The following TECPR2 variants were observed in gnomAD, a reference collection of about 807,000 sequenced individuals.
TECPR2 encodes tectonin beta-propeller repeat containing 2.
A neutral mutation model predicts 138.1 loss-of-function variants in TECPR2; 65 were observed. The ratio of observed to expected loss-of-function variants is 0.47; its 90% CI spans 0.39 to 0.58. The LOEUF is 0.58. TECPR2 is among the 20% of genes least tolerant of loss of function. The pLI, the probability that TECPR2 is intolerant of heterozygous loss-of-function variation, is 0.00. For missense variants in TECPR2, 1,553 were observed against 1,824.5 expected, an observed-to-expected ratio of 0.85 and a Z score of 2.71; for synonymous variants, 746 against 749.8, an observed-to-expected ratio of 0.99 and a Z score of 0.08.
At chr14:102,384,719 A>G (rs1887946302) in intron 2 of TECPR2, among the ~76,000 whole-genome samples, 1 of 150,070 alleles carries the variant, frequency 6.7e-6, no homozygotes, top group African/African-American at 2.4e-5. Flanking sequence ...GTGTGTATAT[A>G]TATATACACA....
At chr14:102,369,467 C>G (rs758689369) in intron 1 of TECPR2, among the ~76,000 whole-genome samples, 8 of 152,122 alleles carry the variant, frequency 5.3e-5, no homozygotes, top group African/African-American at 1.9e-4. Flanking sequence ...TGGCTCACTG[C>G]AGCCTCGAAC....
At chr14:102,433,710 C>T (rs1438639536) in intron 8 of TECPR2, among the ~76,000 whole-genome samples, 2 of 151,856 alleles carry the variant, frequency 1.3e-5, no homozygotes, top group Non-Finnish European at 2.9e-5. Context: ...TTAGTAGAGG[C>T]AGGGGTTTAC....
chr14:102,363,394 G>C (rs942373506), intron 1 of TECPR2, among the ~76,000 whole-genome samples: 1 of 152,094 alleles, frequency 6.6e-6, no homozygotes, highest in Non-Finnish European at 1.5e-5. Flanking sequence ...GGCCTCCGCT[G>C]CGCGTCCCGC....
At position 102,376,754 on chromosome 14, in the gene TECPR2, A is replaced by G. The variant is rs1214503332; in HGVS notation, c.33A>G (p.Arg11=). ...CGATATCAGAGCCTGTTACATTCAG[A>G]GAGTTCTGCCCGTTGTACTATCTCC... MASISEPVTF[R]EFCPLYYLLN... Residue 11 remains arginine (R), a synonymous_variant, in exon 2 of 20, where the codon AGA becomes AGG. Coordinates refer to ENST00000359520, the MANE Select transcript of TECPR2 (RefSeq NM_014844.5). The G allele has an allele frequency of 2.5e-6, 4 of 1,614,092 alleles. No individual in the cohort carries two copies. The highest frequency in any genetic ancestry group is 3.4e-6 in the Non-Finnish European group (4 of 1,180,036).
At chr14:102,473,982 G>T (rs1375238423) in intron 17 of TECPR2, among the ~76,000 whole-genome samples, 1 of 152,222 alleles carries the variant, frequency 6.6e-6, no homozygotes, top group East Asian at 1.9e-4. Context: ...ACTAGGCTGG[G>T]TGCAGTGGCT....
intron 4 of TECPR2, among the ~76,000 whole-genome samples, chr14:102,411,699 CAAAAAAAAAAAAAAAAAAA>C (rs1173849759): frequency 4.3e-5 from 2 of 46,860 alleles, no homozygotes; most frequent in East Asian, 5.2e-4. Context: ...CCATGTTGCT[CAAAAAAAAAAAAAAAAAAA>C]AAAAAAAAAA....
At chr14:102,380,804 A>G (rs143770921) in intron 2 of TECPR2, among the ~76,000 whole-genome samples, 6,046 of 151,336 alleles carry the variant, frequency 0.04, 135 homozygotes, top group Middle Eastern at 0.09. Context: ...TCAGCCTCCC[A>G]AGTAGCTGGG....
intron 5 of TECPR2, among the ~76,000 whole-genome samples, chr14:102,417,782 C>T (rs1230813993): frequency 2.2e-5 from 3 of 134,296 alleles, no homozygotes; most frequent in South Asian, 2.4e-4. Context: ...AGGGGAGCTG[C>T]GAGGAGGCTG....
At chr14:102,482,783 C>A (rs1052037407) in intron 17 of TECPR2, among the ~76,000 whole-genome samples, 1 of 150,148 alleles carries the variant, frequency 6.7e-6, no homozygotes, top group Non-Finnish European at 1.5e-5. Context: ...TTTTGAGGGT[C>A]TTTCTCCATT....
rs1462327770 is a variant in TECPR2 at position 102,425,349 on chromosome 14, A to G, written c.951+58A>G. On this transcript the variant is annotated intron_variant, in intron 6 of 19. Coordinates refer to ENST00000359520, the MANE Select transcript of TECPR2 (RefSeq NM_014844.5). ...TCTATAGGCAAGAGAATGTATCTCT[A>G]TAAACTGTTCTACTCAGGGACCTCA... 4.6e-6 allele frequency: 7 copies of G among 1,512,784 alleles called. No homozygotes were observed. The Admixed American group carries it at 1.1e-4, about 24-fold the overall frequency. The allele number at this position is 1,512,784 out of a possible 1,614,324, so 93.7% of individuals were successfully genotyped here.
chr14:102,410,131 T>G (rs1025565822), intron 4 of TECPR2, among the ~76,000 whole-genome samples: 1 of 152,212 alleles, frequency 6.6e-6, no homozygotes, highest in Non-Finnish European at 1.5e-5. Context: ...TATTTTACTT[T>G]GAAATAATAA....
At chr14:102,368,251 C>G (rs1343434020) in intron 1 of TECPR2, among the ~76,000 whole-genome samples, 1 of 151,960 alleles carries the variant, frequency 6.6e-6, no homozygotes, top group Non-Finnish European at 1.5e-5. Context: ...TCAGGTGATC[C>G]ACCTGCGTTG....
At chr14:102,470,229 T>C (rs1389923479) in intron 17 of TECPR2, among the ~76,000 whole-genome samples, 4 of 152,314 alleles carry the variant, frequency 2.6e-5, no homozygotes, top group East Asian at 1.9e-4. Context: ...CATGTAGCCA[T>C]GTAGGCCTGA....
In TECPR2 at chr14:102,415,087, A is replaced by C. The variant is rs759318896; in HGVS notation, c.638+294A>C. 6.6e-6 allele frequency among the ~76,000 whole-genome samples: 1 copy of C among 152,014 alleles called. No homozygotes were observed. The highest frequency in any genetic ancestry group is 1.5e-5 in the Non-Finnish European group (1 of 67,994). On this transcript the variant is annotated intron_variant, in intron 5 of 19. Transcript: ENST00000359520. This position sits in a 1 kb window ranked among gnomAD's most constrained non-coding sequence, Gnocchi z 4.3. ...AGAAGCCTCAGGGGTGGCCTGGTCT[A>C]TCTGTTCCTTGTGGAGCCACCTCCT...
chr14:102,498,190 C>T lies in TECPR2; in HGVS notation c.4169C>T (p.Thr1390Ile). 1 of 1,610,822 alleles carries T rather than the reference C, an allele frequency of 6.2e-7. No homozygotes were observed. The highest frequency in any genetic ancestry group is 8.5e-7 in the Non-Finnish European group (1 of 1,180,016). The stretch of plus-strand genomic sequence containing the variant: ...AAGACGTTCAGCCACTCGCACGGCA[C>T]CCAGAAGAGCAGCCAGGCCGCCATG... Reference protein sequence around the residue: ...LTKTFSHSHGTQKSSQAAMPH... With the variant: ...LTKTFSHSHGIQKSSQAAMPH... The change falls in exon 20 of 20, where the codon ACC (threonine) becomes ATC (isoleucine). Residue 1390 changes from threonine to isoleucine, a missense_variant. Thr to Ile is a moderately conservative substitution (Grantham distance 89). Coordinates refer to ENST00000359520, the MANE Select transcript of TECPR2 (RefSeq NM_014844.5).
intron 16 of TECPR2, among the ~76,000 whole-genome samples, chr14:102,458,666 T>A (rs1392216941): frequency 1.3e-5 from 2 of 152,134 alleles, no homozygotes; most frequent in Non-Finnish European, 2.9e-5. Flanking sequence ...TGCATGTTCA[T>A]GCCACCCATT....
chr14:102,491,141 G>A (rs995795551), intron 17 of TECPR2, among the ~76,000 whole-genome samples: 2 of 152,146 alleles, frequency 1.3e-5, no homozygotes, highest in Non-Finnish European at 2.9e-5. Flanking sequence ...TGATCCACCC[G>A]CCTGGGCCTC....
In TECPR2 at chr14:102,435,165, T is replaced by C. The variant is rs1168278294; in HGVS notation, c.2348T>C (p.Leu783Pro). The C allele has an allele frequency of 6.2e-7, 1 of 1,613,044 alleles. No homozygotes were observed. Among genetic ancestry groups the C allele is most frequent in the Admixed American group, 1.7e-5 (1 of 60,020 alleles). The change falls in exon 9 of 20, where the codon CTG becomes CCG. Residue 783 changes from leucine to proline, a missense_variant. By Grantham distance (98) the Leu-to-Pro change is moderately conservative. Transcript: ENST00000359520. ...GGACCTAGTTGCTCCCAGCAGGACC[T>C]GAGCCGGCTGGGTGCAGAGGACGCC... The part of the protein sequence containing the change: ...ELGPSCSQQD[L>P]SRLGAEDAGL...
chr14:102,427,661 T>C (rs1889359281), intron 6 of TECPR2, among the ~76,000 whole-genome samples: 1 of 152,166 alleles, frequency 6.6e-6, no homozygotes, highest in Non-Finnish European at 1.5e-5. Context: ...CATGTATTCA[T>C]TCAAAACCCA....
Sources: gnomAD v4.1 joint callset for allele counts (sites outside exome capture counted in the v4.1 genomes callset) on GRCh38, gnomAD v4.1.1 for gene constraint, Gnocchi (gnomAD v3.1) non-coding constraint, MANE v1.5 for transcripts, NCBI Gene and HGNC (gene_info 2026-07-23, HGNC 2026-07-21) for gene names.